The following TMEM132D variants were observed in gnomAD, a reference collection of about 807,000 sequenced individuals.
TMEM132D encodes transmembrane protein 132D.
A neutral mutation model predicts 62.3 loss-of-function variants in TMEM132D; 21 were observed. The ratio of observed to expected loss-of-function variants is 0.34; its 90% confidence interval spans 0.24 to 0.49. The LOEUF (loss-of-function observed/expected upper bound fraction) is 0.49, where lower values mean the gene tolerates loss of function less well. Ranked by LOEUF, TMEM132D falls within the 20% of genes least tolerant of loss-of-function variation. TMEM132D has a pLI of 0.99. For synonymous variants in TMEM132D, 621 were observed against 575.6 expected (o/e 1.08, Z -1.13); for missense variants, 1,346 against 1,402.8 (o/e 0.96, Z 0.65).
At position 129,282,335 on chromosome 12, in the gene TMEM132D, A is replaced by G. The variant is rs1358778244; in HGVS notation, c.1299+55299T>C. ...CAGAGCCCGGTTGCTGACAAGGCTC[A>G]TAGTACCCCTGGAAGACAGCAGCTG... is the stretch of plus-strand genomic sequence containing the variant. On this transcript the variant is annotated intron_variant, in intron 4 of 8. Coordinates refer to ENST00000422113, the MANE Select transcript of TMEM132D (RefSeq NM_133448.3). Among the ~76,000 whole-genome samples the G allele has an allele frequency of 2.6e-5, 4 of 152,164 alleles. No individual in the cohort carries two copies. In the South Asian group the frequency reaches 6.2e-4, roughly 24 times the overall value.
chr12:129,425,673 G>A (rs1285590685), intron 3 of TMEM132D, among the ~76,000 whole-genome samples: 1 of 152,164 alleles, frequency 6.6e-6, no homozygotes, highest in Non-Finnish European at 1.5e-5. Context: ...AGGTAACACT[G>A]GAACACTGAT....
At position 129,473,324 on chromosome 12, in the gene TMEM132D, G is replaced by GTTTTTTTTTTT. The variant is rs751523415; in HGVS notation, c.1115+57724_1115+57734dup. Among the ~76,000 whole-genome samples, 71 of 81,542 alleles carry GTTTTTTTTTTT rather than the reference G, an allele frequency of 8.7e-4. 9 individuals are homozygous for GTTTTTTTTTTT. Among genetic ancestry groups the GTTTTTTTTTTT allele is most frequent in the African/African-American group, 1.2e-3 (25 of 20,910 alleles). 53.5% of individuals were successfully genotyped at this position (81,542 alleles called of 152,430 possible). A position where few individuals can be genotyped will look rare whatever the true frequency, so the allele number is the denominator to read the frequency against. On this transcript the variant is annotated intron_variant, in intron 3 of 8. Coordinates refer to ENST00000422113, the MANE Select transcript of TMEM132D (RefSeq NM_133448.3). Reference sequence around the variant, plus strand: ...TGGCAATAAAGTGATTTTAGTTTTTGTTTTTTTTTTTTTTTTTTTTTTGAG... The same window carrying GTTTTTTTTTTT: ...TGGCAATAAAGTGATTTTAGTTTTTGTTTTTTTTTTTTTTTTTTTTTTTTTTTTTTTTTGAG...
intron 2 of TMEM132D, among the ~76,000 whole-genome samples, chr12:129,581,214 C>T (rs948327433): frequency 6.6e-6 from 1 of 152,194 alleles, no homozygotes; most frequent in Admixed American, 6.5e-5. Flanking sequence ...CTCTCCTTTT[C>T]CTTCGGCCAT....
At chr12:129,429,582 CTTT>C in intron 3 of TMEM132D, among the ~76,000 whole-genome samples, 1 of 143,738 alleles carries the variant, frequency 7.0e-6, no homozygotes, top group Non-Finnish European at 1.5e-5. Flanking sequence ...CTAATTCTTT[CTTT>C]TTTTTTTTTT....
chr12:129,628,914 A>C (rs1879287216), intron 2 of TMEM132D, among the ~76,000 whole-genome samples: 3 of 144,144 alleles, frequency 2.1e-5, no homozygotes, highest in Non-Finnish European at 3.0e-5. Flanking sequence ...TCCTTCCTTC[A>C]TTTCTATCTC....
chr12:129,189,775 A>C (rs1347296133), intron 5 of TMEM132D, among the ~76,000 whole-genome samples: 5 of 152,160 alleles, frequency 3.3e-5, no homozygotes, highest in African/African-American at 1.2e-4. Context: ...AGTCTGTGGC[A>C]GGCAGAGTCA....
At chr12:129,337,508 TC>T (rs1869330417) in intron 4 of TMEM132D, 125 bp downstream of exon 4, 3 of 1,128,766 alleles carry the variant, frequency 2.7e-6, no homozygotes, top group Non-Finnish European at 3.8e-6. Context: ...CTTTGTGGTT[TC>T]GTTTCTCACT....
Position 129,507,645 on chromosome 12 carries a change from G to C in TMEM132D, c.1115+23414C>G, listed in dbSNP as rs961380216. 6.6e-5 allele frequency among the ~76,000 whole-genome samples: 10 copies of C among 152,252 alleles called. No homozygotes were observed. In the South Asian group the frequency reaches 2.1e-3, roughly 32 times the overall value. ...CATCGTATGTTCTCAATCATAAACA[G>C]GAGCTAAGCTACTAGGATGCAAAAG... On this transcript the variant is annotated intron_variant, in intron 3 of 8. Coordinates refer to ENST00000422113, the MANE Select transcript of TMEM132D (RefSeq NM_133448.3).
intron 3 of TMEM132D, among the ~76,000 whole-genome samples, chr12:129,489,407 G>C (rs1307526308): frequency 6.6e-6 from 1 of 152,220 alleles, no homozygotes; most frequent in African/African-American, 2.4e-5. Flanking sequence ...TTTGGGCCTT[G>C]TGTTAGTCAC....
At chr12:129,901,460 G>A (rs1292099772) in intron 1 of TMEM132D, among the ~76,000 whole-genome samples, 1 of 152,150 alleles carries the variant, frequency 6.6e-6, no homozygotes, top group East Asian at 1.9e-4. Context: ...GCTAATTGCT[G>A]TACAAAGTCT....
intron 2 of TMEM132D, among the ~76,000 whole-genome samples, chr12:129,621,332 C>G (rs941428826): frequency 2.0e-5 from 3 of 152,182 alleles, no homozygotes; most frequent in African/African-American, 7.2e-5. Context: ...CCTGCCATCA[C>G]CCTGGCCCTC....
chr12:129,324,985 A>C (rs1156235583), intron 4 of TMEM132D, among the ~76,000 whole-genome samples: 1 of 152,202 alleles, frequency 6.6e-6, no homozygotes, highest in Non-Finnish European at 1.5e-5. Context: ...TTCCACACTC[A>C]TTACAATTTA....
At chr12:129,651,259 T>G (rs1308113412) in intron 2 of TMEM132D, among the ~76,000 whole-genome samples, 1 of 152,204 alleles carries the variant, frequency 6.6e-6, no homozygotes, top group Non-Finnish European at 1.5e-5. Flanking sequence ...AAACATAATA[T>G]CCCTTTTTTA....
chr12:129,646,522 AAAG>A (rs2137179354), intron 2 of TMEM132D, among the ~76,000 whole-genome samples: 1 of 152,258 alleles, frequency 6.6e-6, no homozygotes, highest in East Asian at 1.9e-4. Context: ...CAGGAATACA[AAAG>A]AAGTAGAGAG....
chr12:129,734,256 C>G (rs556517234), intron 1 of TMEM132D, among the ~76,000 whole-genome samples: 2 of 152,284 alleles, frequency 1.3e-5, no homozygotes, highest in African/African-American at 4.8e-5. Flanking sequence ...ACAAAGAGAA[C>G]GTACTTACAG....
intron 4 of TMEM132D, among the ~76,000 whole-genome samples, chr12:129,225,795 G>T (rs866704676): frequency 6.6e-6 from 1 of 152,178 alleles, no homozygotes; most frequent in Non-Finnish European, 1.5e-5. Flanking sequence ...ATAACCTGCC[G>T]TGCCTTTCAA....
intron 2 of TMEM132D, among the ~76,000 whole-genome samples, chr12:129,637,158 A>T (rs1879505108): frequency 6.6e-6 from 1 of 152,212 alleles, no homozygotes; most frequent in African/African-American, 2.4e-5. Context: ...AGATTTAACT[A>T]TAATAGCCTT....
At chr12:129,500,357 G>A (rs1875102133) in intron 3 of TMEM132D, among the ~76,000 whole-genome samples, 1 of 152,184 alleles carries the variant, frequency 6.6e-6, no homozygotes, top group Non-Finnish European at 1.5e-5. Context: ...ACCCTGAGCG[G>A]GGAGGCAATT....
intron 5 of TMEM132D, among the ~76,000 whole-genome samples, chr12:129,168,508 C>A (rs1436653013): frequency 2.6e-5 from 4 of 152,138 alleles, no homozygotes; most frequent in Non-Finnish European, 4.4e-5. Context: ...ATGTCATATA[C>A]ATGGAGTTAT....
Sources: allele counts gnomAD v4.1 joint callset (sites outside exome capture counted in the v4.1 genomes callset), GRCh38; gene constraint gnomAD v4.1.1; transcripts MANE v1.5; gene names NCBI Gene and HGNC (gene_info 2026-07-23, HGNC 2026-07-21).